Variants in ITGB1 observed in about 807,000 individuals in gnomAD.
ITGB1 encodes the protein integrin subunit beta 1.
A neutral mutation model predicts 86.5 loss-of-function variants in ITGB1; 24 were observed. The ratio of observed to expected loss-of-function variants is 0.28; its 90% confidence interval spans 0.20 to 0.39. ITGB1 has a LOEUF of 0.39. Ranked by LOEUF, ITGB1 falls within the 10% of genes least tolerant of loss-of-function variation. The probability of loss-of-function intolerance (pLI) is 1.00; values close to 1 mark genes in which losing one functional copy is unlikely to be tolerated. For missense variants in ITGB1, 556 were observed against 946.9 expected (o/e 0.59, Z 5.42); for synonymous variants, 323 against 316.8 (o/e 1.02, Z -0.21).
At chr10:32,948,964 G>T in intron 1 of ITGB1, among the ~76,000 whole-genome samples, 1 of 67,838 alleles carries the variant, frequency 1.5e-5, no homozygotes, top group Non-Finnish European at 5.0e-5. Context: ...GCTCACTGTG[G>T]ATTACTGAAA....
chr10:32,901,674 C>T, intron 15 of ITGB1, 39 bp from the exon 16 acceptor site: 1 of 1,288,132 alleles, frequency 7.8e-7, no homozygotes, highest in Non-Finnish European at 1.1e-6. Flanking sequence ...ATCAGTTACC[C>T]TACTAAAATT....
intron 5 of ITGB1, among the ~76,000 whole-genome samples, chr10:32,926,545 A>C (rs2488329): frequency 0.47 from 71,611 of 151,622 alleles, 19,382 homozygotes; most frequent in Non-Finnish European, 0.61. Flanking sequence ...TCTCTCCCCA[A>C]CTCTTGCTCC....
At chr10:32,941,897 A>C (rs558656713) in intron 1 of ITGB1, among the ~76,000 whole-genome samples, 1 of 152,322 alleles carries the variant, frequency 6.6e-6, no homozygotes, top group East Asian at 1.9e-4. Context: ...GGTTAGGGGA[A>C]AAAATGAGGT....
rs554116440 is a variant in ITGB1, at chr10:32,900,514, A to G, written c.*1056T>C. 13 of 150,392 alleles carry G rather than the reference A, an allele frequency of 8.6e-5. No individual in the cohort carries two copies. The highest frequency in any genetic ancestry group is 3.2e-4 in the African/African-American group (13 of 40,680). The allele number at this position is 150,392 out of a possible 1,614,324, so 9.3% of individuals were successfully genotyped here. A position where few individuals can be genotyped will look rare whatever the true frequency, so the allele number is the denominator to read the frequency against. On this transcript the variant is annotated 3_prime_UTR_variant, in exon 16 of 16. Coordinates refer to ENST00000302278, the MANE Select transcript of ITGB1 (RefSeq NM_002211.4). Reference sequence around the variant, plus strand: ...GTGACTAGTGTGAAACAAGATGGGCAACTCAAATGGTGAGAAGTAAACATA... The same window carrying G: ...GTGACTAGTGTGAAACAAGATGGGCGACTCAAATGGTGAGAAGTAAACATA...
intron 9 of ITGB1, among the ~76,000 whole-genome samples, chr10:32,921,896 G>C (rs2094951214): frequency 2.0e-5 from 3 of 151,868 alleles, no homozygotes; most frequent in Admixed American, 2.0e-4. Flanking sequence ...CATCAGAATA[G>C]ATGACTCTAT....
At chr10:32,941,519 T>C (rs1328823986) in intron 1 of ITGB1, among the ~76,000 whole-genome samples, 1 of 152,116 alleles carries the variant, frequency 6.6e-6, no homozygotes, top group African/African-American at 2.4e-5. Context: ...AAGAGCTACG[T>C]TACAGAGAGC....
intron 1 of ITGB1, among the ~76,000 whole-genome samples, chr10:32,953,220 T>C (rs1337909503): frequency 6.6e-6 from 1 of 152,190 alleles, no homozygotes; most frequent in Non-Finnish European, 1.5e-5. Context: ...TCTAACATTG[T>C]TAGGGAATAT....
intron 1 of ITGB1, among the ~76,000 whole-genome samples, chr10:32,940,172 C>T (rs554031918): frequency 1.3e-5 from 2 of 152,012 alleles, no homozygotes; most frequent in African/African-American, 4.8e-5. Context: ...GGTGAAACCC[C>T]GTCTCTACAA....
chr10:32,907,240 C>A, intron 15 of ITGB1: 2 of 375,328 alleles, frequency 5.3e-6, no homozygotes, highest in Non-Finnish European at 9.9e-6. Context: ...TTATTTCTAC[C>A]CTTCTGAAAT....
At chr10:32,917,476 GA>G (rs1565822364) in intron 11 of ITGB1, among the ~76,000 whole-genome samples, 1 of 152,088 alleles carries the variant, frequency 6.6e-6, no homozygotes. Flanking sequence ...AATCTACAAA[GA>G]ACTCCAACAA....
Position 32,910,462 on chromosome 10 carries a change from CA to C in ITGB1, c.1932-8del. On this transcript the variant is annotated splice_region_variant and splice_polypyrimidine_tract_variant and intron_variant, in intron 13 of 15. Coordinates refer to ENST00000302278, the MANE Select transcript of ITGB1 (RefSeq NM_002211.4). ...TCTGCACTGAACACATTCTCTGTTA[CA>C]AAAAACACAAATTATGATATTTACA... The C allele has an allele frequency of 6.6e-7, 1 of 1,510,786 alleles. No individual in the cohort carries two copies. Among genetic ancestry groups the C allele is most frequent in the Non-Finnish European group, 9.1e-7 (1 of 1,102,602 alleles). 93.6% of individuals were successfully genotyped at this position (1,510,786 alleles called of 1,614,324 possible).
chr10:32,933,643 C>T (rs2094991309), intron 2 of ITGB1: 1 of 152,124 alleles, frequency 6.6e-6, no homozygotes, highest in Non-Finnish European at 1.5e-5. Flanking sequence ...TGAGAGAGGA[C>T]TGTTGCTAAC....
intron 2 of ITGB1, 136 bp from the exon 3 acceptor site, chr10:32,932,736 C>T: frequency 1.7e-6 from 1 of 580,794 alleles, no homozygotes; most frequent in Non-Finnish European, 3.1e-6. Flanking sequence ...CTAAACTAGA[C>T]CTTCCCCAAA....
chr10:32,921,485 A>C (rs2094949832), intron 9 of ITGB1, among the ~76,000 whole-genome samples: 1 of 152,228 alleles, frequency 6.6e-6, no homozygotes, highest in Non-Finnish European at 1.5e-5. Context: ...CATGACATGA[A>C]GTAAAAATGT....
intron 1 of ITGB1, among the ~76,000 whole-genome samples, chr10:32,940,101 T>C (rs1484604948): frequency 1.3e-5 from 2 of 152,152 alleles, no homozygotes; most frequent in Non-Finnish European, 2.9e-5. Flanking sequence ...ATCCCAGCGC[T>C]TTGGGAGGCC....
chr10:32,902,867 C>G (rs1216484604), intron 15 of ITGB1, among the ~76,000 whole-genome samples: 2 of 152,026 alleles, frequency 1.3e-5, no homozygotes, highest in African/African-American at 4.8e-5. Flanking sequence ...ATGAAGTTTA[C>G]AATAGAGTTA....
chr10:32,912,195 AG>A (rs2094915544), intron 11 of ITGB1, 71 bp from the exon 12 acceptor site: 4 of 1,271,856 alleles, frequency 3.1e-6, no homozygotes, highest in Admixed American at 1.8e-5. Flanking sequence ...ATGGCCAAAC[AG>A]GAACAGCTCT....
intron 1 of ITGB1, among the ~76,000 whole-genome samples, chr10:32,943,316 G>T (rs1301606096): frequency 1.3e-5 from 2 of 152,084 alleles, no homozygotes; most frequent in Non-Finnish European, 2.9e-5. Context: ...TTATAAGATG[G>T]TCAACCAGAT....
At chr10:32,935,741 C>T (rs901771191) in intron 1 of ITGB1, among the ~76,000 whole-genome samples, 183 bp from the exon 2 acceptor site, 1 of 152,140 alleles carries the variant, frequency 6.6e-6, no homozygotes, top group Non-Finnish European at 1.5e-5. Context: ...GGTTCCCTCA[C>T]CTTGCACCTA....
Sources: allele counts gnomAD v4.1 joint callset (sites outside exome capture counted in the v4.1 genomes callset), GRCh38; gene constraint gnomAD v4.1.1; transcripts MANE v1.5; gene names NCBI Gene and HGNC (gene_info 2026-07-23, HGNC 2026-07-21).